Variants in KDM4B observed in about 807,000 individuals in gnomAD.
KDM4B encodes the protein lysine demethylase 4B.
KDM4B carries 32 observed loss-of-function variants against 125.2 expected under a neutral mutation model. The observed-to-expected ratio is 0.26, with a 90% CI of 0.19 to 0.34. The LOEUF (loss-of-function observed/expected upper bound fraction) is 0.34. Among genes scored for constraint, KDM4B ranks in the 10% least tolerant of loss-of-function variants. The pLI is 1.00. For missense variants in KDM4B, 1,190 were observed against 1,577.7 expected, an observed-to-expected ratio of 0.75 and a Z score of 4.16; for synonymous variants, 721 against 677.9, an observed-to-expected ratio of 1.06 and a Z score of -0.99.
chr19:5,131,602 GGA>G (rs2039553302), intron 12 of KDM4B, 57 bp downstream of exon 12: 1 of 648,550 alleles, frequency 1.5e-6, no homozygotes. Flanking sequence ...GGGCAGGGGA[GGA>G]GGGGGCAGGT....
chr19:5,003,736 G>C (rs545032964), intron 1 of KDM4B, among the ~76,000 whole-genome samples: 42 of 152,252 alleles, frequency 2.8e-4, no homozygotes, highest in African/African-American at 9.9e-4. Context: ...TTGAACCCGG[G>C]AGGTGGAGGT....
chr19:5,090,358 CTCT>C (rs1487363325), intron 9 of KDM4B, among the ~76,000 whole-genome samples: 156 of 145,022 alleles, frequency 1.1e-3, no homozygotes, highest in African/African-American at 3.8e-3. Context: ...CTCTCTCTCT[CTCT>C]CCTCATCTCT....
chr19:5,029,927 C>A (rs532134841), intron 2 of KDM4B, among the ~76,000 whole-genome samples: 1 of 152,202 alleles, frequency 6.6e-6, no homozygotes, highest in Non-Finnish European at 1.5e-5. Flanking sequence ...CCCGGTGTCA[C>A]GGCTCCACCT....
chr19:5,041,692 C>G (rs2036823505), intron 5 of KDM4B, among the ~76,000 whole-genome samples: 1 of 152,250 alleles, frequency 6.6e-6, no homozygotes, highest in Admixed American at 6.5e-5. Context: ...CCATCCCGAG[C>G]CTGGTCTGCT....
intron 9 of KDM4B, among the ~76,000 whole-genome samples, chr19:5,090,350 CTCTCTCTCTCTCCTCA>C (rs1689238965): frequency 1.4e-5 from 2 of 147,206 alleles, no homozygotes; most frequent in Admixed American, 6.7e-5. Flanking sequence ...GTAACGTTCT[CTCTCTCTCTCTCCTCA>C]TCTCTCTCTC....
At chr19:5,143,320 A>G (rs934095213) in intron 18 of KDM4B, among the ~76,000 whole-genome samples, 1 of 149,914 alleles carries the variant, frequency 6.7e-6, no homozygotes, top group African/African-American at 2.5e-5. Flanking sequence ...CCCAGGCTCA[A>G]AAAAAAAAAG....
chr19:5,058,676 G>A (rs925180085), intron 6 of KDM4B, among the ~76,000 whole-genome samples: 4 of 152,210 alleles, frequency 2.6e-5, no homozygotes, highest in Admixed American at 1.3e-4. Flanking sequence ...TCCTGTCTGC[G>A]GCCCCTCGCT....
At position 5,077,425 on chromosome 19, in the gene KDM4B, C is replaced by T. The variant is rs1233460876; in HGVS notation, c.735C>T (p.Leu245=). The change falls in exon 8 of 23, where the codon CTC becomes CTT. Residue 245 remains leucine (L), a synonymous_variant. Transcript: ENST00000159111. ...CCTTCCTGCGGCATAAGATGACCCT[C>T]ATCTCGCCCATCATCCTGAAGAAGT... ...CDAFLRHKMT[L]ISPIILKKYG... 1.2e-6 allele frequency: 2 copies of T among 1,613,442 alleles called. No homozygotes were observed. The highest frequency in any genetic ancestry group is 1.1e-5 in the South Asian group (1 of 91,090).
At chr19:5,011,917 C>T (rs2035739622) in intron 1 of KDM4B, among the ~76,000 whole-genome samples, 1 of 152,222 alleles carries the variant, frequency 6.6e-6, no homozygotes, top group African/African-American at 2.4e-5. Context: ...TCTTCTTCCG[C>T]CCCACCCGCG....
intron 1 of KDM4B, among the ~76,000 whole-genome samples, chr19:4,978,364 G>T (rs1407667668): frequency 6.6e-6 from 1 of 151,736 alleles, no homozygotes; most frequent in Non-Finnish European, 1.5e-5. Flanking sequence ...AAACTTAGCC[G>T]GGCGCGGTGG....
chr19:5,083,352 C>T (rs556935185), intron 9 of KDM4B, among the ~76,000 whole-genome samples: 109 of 152,310 alleles, frequency 7.2e-4, no homozygotes, highest in African/African-American at 2.5e-3. Context: ...ATGGTCTCTG[C>T]CTTGGGGTCC....
chr19:5,119,665 A>G lies in KDM4B; in HGVS notation c.1128A>G (p.Lys376=), dbSNP rs1205094607. ...KAKLLRRSHR[K]RSQPKKPKPE... is the part of the protein sequence containing the mutation. Reference sequence around the variant, plus strand: ...CCTCCCTCTCCAGGTCTCACCGGAAACGGAGCCAGCCCAAGAAGCCGAAGC... The same window carrying G: ...CCTCCCTCTCCAGGTCTCACCGGAAGCGGAGCCAGCCCAAGAAGCCGAAGC... Residue 376 remains lysine, a synonymous_variant, in exon 11 of 23, where the codon AAA becomes AAG. Coordinates refer to ENST00000159111, the MANE Select transcript of KDM4B (RefSeq NM_015015.3). The G allele has an allele frequency of 1.3e-6, 2 of 1,555,700 alleles. No individual in the cohort carries two copies. Among genetic ancestry groups the G allele is most frequent in the South Asian group, 2.4e-5 (2 of 84,518 alleles).
intron 1 of KDM4B, among the ~76,000 whole-genome samples, chr19:4,973,144 T>G (rs1187859797): frequency 1.3e-5 from 2 of 152,232 alleles, no homozygotes; most frequent in Non-Finnish European, 2.9e-5. Context: ...TCCTGAACAG[T>G]AATGTCCCCA....
chr19:5,144,431 C>T lies in KDM4B; in HGVS notation c.2901+19C>T, dbSNP rs369892629. On this transcript the variant is annotated intron_variant, in intron 20 of 22. Coordinates refer to ENST00000159111, the MANE Select transcript of KDM4B (RefSeq NM_015015.3). ...CATCACGGTGAGCTGTGGGGTGGGGCAGGGGGCGGGGGGAGGCTGGGAGCA... is the reference window on the plus strand; with the variant it reads ...CATCACGGTGAGCTGTGGGGTGGGGTAGGGGGCGGGGGGAGGCTGGGAGCA... 9.2e-5 allele frequency: 71 copies of T among 769,560 alleles called. No individual in the cohort carries two copies. Among genetic ancestry groups the T allele is most frequent in the African/African-American group, 5.5e-4 (29 of 52,376 alleles). The allele number at this position is 769,560 out of a possible 1,614,324, so 47.7% of individuals were successfully genotyped here.
At position 5,030,758 on chromosome 19, in the gene KDM4B, A is replaced by G. The variant is rs570211740; in HGVS notation, c.-25-2108A>G. On this transcript the variant is annotated intron_variant, in intron 2 of 22. Coordinates refer to ENST00000159111, the MANE Select transcript of KDM4B (RefSeq NM_015015.3). ...CCTCGTGGGCCTCTGTGCCTCCTCA[A>G]TAAGCTCAGTCGACCATGTCATCAT... 4.1e-4 allele frequency among the ~76,000 whole-genome samples: 63 copies of G among 152,348 alleles called. 1 individual carries two copies. The highest frequency in any genetic ancestry group is 1.4e-3 in the African/African-American group (58 of 41,572).
rs2039962680 is a variant in KDM4B at position 5,152,328 on chromosome 19, G to A, written c.*817G>A. 6.6e-6 allele frequency: 1 copy of A among 152,258 alleles called. No individual in the cohort carries two copies. The highest frequency in any genetic ancestry group is 2.4e-5 in the African/African-American group (1 of 41,454). 9.4% of individuals were successfully genotyped at this position (152,258 alleles called of 1,614,324 possible). On this transcript the variant is annotated 3_prime_UTR_variant, in exon 23 of 23. Coordinates refer to ENST00000159111, the MANE Select transcript of KDM4B (RefSeq NM_015015.3). ...CCTCCCTCCGTCTGCGCCCACCTTT[G>A]CAGAATAAACTCTCTCCTGGGGTTT...
chr19:5,119,809 G>A lies in KDM4B; in HGVS notation c.1272G>A (p.Glu424=). 1 of 1,543,844 alleles carries A rather than the reference G, an allele frequency of 6.5e-7. No homozygotes were observed. Among genetic ancestry groups the A allele is most frequent in the Non-Finnish European group, 8.7e-7 (1 of 1,144,354 alleles). ...PEVDPEEEEE[E]PQPLPHGREA... is the part of the protein sequence containing the mutation. Reference sequence around the variant, plus strand: ...TTGACCCCGAGGAGGAGGAGGAGGAGCCGCAGCCACTGCCACACGGCCGGG... The same window carrying A: ...TTGACCCCGAGGAGGAGGAGGAGGAACCGCAGCCACTGCCACACGGCCGGG... The change falls in exon 11 of 23, where the codon GAG becomes GAA. Residue 424 remains glutamate, a synonymous_variant. Transcript: ENST00000159111.
chr19:4,990,260 A>G (rs2034990931), intron 1 of KDM4B, among the ~76,000 whole-genome samples: 2 of 152,224 alleles, frequency 1.3e-5, no homozygotes, highest in Admixed American at 1.3e-4. Context: ...AGTGTGCTCC[A>G]GCCTGGGCAA....
intron 9 of KDM4B, among the ~76,000 whole-genome samples, chr19:5,108,498 G>C (rs1552044): frequency 0.066 from 10,077 of 152,198 alleles, 380 homozygotes; most frequent in Admixed American, 0.11. Context: ...GGGGAGGCAC[G>C]AGCTGCAGGA....
Sources: gnomAD v4.1 joint callset for allele counts (sites outside exome capture counted in the v4.1 genomes callset) on GRCh38, gnomAD v4.1.1 for gene constraint, MANE v1.5 for transcripts, NCBI Gene and HGNC (gene_info 2026-07-23, HGNC 2026-07-21) for gene names.